Variants in ATG2B observed in about 807,000 individuals in gnomAD.
ATG2B encodes the protein autophagy-related protein 2 homolog B.
In ATG2B, 121 loss-of-function variants were observed where a neutral mutation model predicts 241.3. The ratio of observed to expected loss-of-function variants is 0.50; its 90% CI spans 0.43 to 0.58. The LOEUF (loss-of-function observed/expected upper bound fraction) is 0.58, where lower values mean the gene tolerates loss of function less well. ATG2B is among the 20% of genes least tolerant of loss of function. The probability of loss-of-function intolerance (pLI) is 0.00; values close to 1 mark genes in which losing one functional copy is unlikely to be tolerated. For missense variants in ATG2B, 2,306 were observed against 2,491.6 expected, an observed-to-expected ratio of 0.93 and a Z score of 1.59; for synonymous variants, 858 against 876.6, an observed-to-expected ratio of 0.98 and a Z score of 0.37.
At chr14:96,317,893 C>A in intron 18 of ATG2B, 38 bp from the exon 19 acceptor site, 3 of 1,407,218 alleles carry the variant, frequency 2.1e-6, no homozygotes, top group Non-Finnish European at 1.9e-6. Flanking sequence ...TACTTAACTC[C>A]TAGTTCAACA....
rs1311001581 is a variant in ATG2B, at chr14:96,341,555, C to T, written c.891G>A (p.Thr297=). The T allele has an allele frequency of 1.9e-5, 30 of 1,601,152 alleles. No individual in the cohort carries two copies. Among genetic ancestry groups the T allele is most frequent in the African/African-American group, 8.0e-5 (6 of 74,572 alleles). The change falls in exon 6 of 42, where the codon ACG becomes ACA. Residue 297 remains threonine, a synonymous_variant. Coordinates refer to ENST00000359933, the MANE Select transcript of ATG2B (RefSeq NM_018036.7). ...RLIGRLELSL[T]LKQNEVLPGA... ...CAGGAAGCACTTCATTCTGTTTCAA[C>T]GTGAGACTCAACTCCAACCTACCAA...
At chr14:96,337,121 T>C (rs1377736729) in intron 6 of ATG2B, among the ~76,000 whole-genome samples, 1 of 152,178 alleles carries the variant, frequency 6.6e-6, no homozygotes, top group African/African-American at 2.4e-5. Context: ...CTGTATCTTT[T>C]ACCAAGGCAA....
At chr14:96,332,280 C>G (rs1339064938) in intron 10 of ATG2B, 25 bp downstream of exon 10, 1 of 1,550,648 alleles carries the variant, frequency 6.4e-7, no homozygotes, top group Admixed American at 1.7e-5. Context: ...CGGAAACTAA[C>G]AACAAATGTC....
intron 34 of ATG2B, among the ~76,000 whole-genome samples, chr14:96,299,708 C>T (rs538440367): frequency 6.6e-6 from 1 of 152,194 alleles, no homozygotes; most frequent in Non-Finnish European, 1.5e-5. Context: ...TGCTTACTGC[C>T]TGCCCTAAGG....
Position 96,281,422 on chromosome 14 carries a change from C to A in ATG2B, c.*4333G>T, listed in dbSNP as rs1886195219. 6.6e-6 allele frequency: 1 copy of A among 152,242 alleles called. No homozygotes were observed. Among genetic ancestry groups the A allele is most frequent in the East Asian group, 1.9e-4 (1 of 5,180 alleles). The allele number at this position is 152,242 out of a possible 1,614,324, so 9.4% of individuals were successfully genotyped here. ...AATTAGGAAAAATTAGGAAACTTAG[C>A]AAAGACAGTCAATACACATGTTCTT... On this transcript the variant is annotated 3_prime_UTR_variant, in exon 42 of 42. Transcript: ENST00000359933.
intron 8 of ATG2B, among the ~76,000 whole-genome samples, chr14:96,332,918 A>T (rs1172308513): frequency 6.6e-6 from 1 of 152,144 alleles, no homozygotes; most frequent in African/African-American, 2.4e-5. Flanking sequence ...TAAATGTAGT[A>T]TTACCTGGTA....
At chr14:96,349,160 G>A (rs1379884090) in intron 1 of ATG2B, among the ~76,000 whole-genome samples, 2 of 152,182 alleles carry the variant, frequency 1.3e-5, no homozygotes, top group Non-Finnish European at 2.9e-5. Flanking sequence ...CAGGCAAAAT[G>A]GTCCAGGCAA....
chr14:96,317,627 A>G (rs893457572), intron 19 of ATG2B, 71 bp downstream of exon 19: 9 of 1,288,388 alleles, frequency 7.0e-6, no homozygotes, highest in African/African-American at 1.5e-5. Flanking sequence ...TAAATCCACA[A>G]TTCAAAGGTT....
chr14:96,317,861 A>T lies in ATG2B; in HGVS notation c.2880-6T>A. 1 of 1,582,222 alleles carries T rather than the reference A, an allele frequency of 6.3e-7. No homozygotes were observed. The highest frequency in any genetic ancestry group is 1.2e-5 in the South Asian group (1 of 85,046). On this transcript the variant is annotated splice_polypyrimidine_tract_variant and splice_region_variant and intron_variant, in intron 18 of 41. Transcript: ENST00000359933. ...GTAGCAAGTCATTAAAGATCCTATAAAGACAAAAGTTGAAAAATAAGTACT... is the reference window on the plus strand; with the variant it reads ...GTAGCAAGTCATTAAAGATCCTATATAGACAAAAGTTGAAAAATAAGTACT...
intron 29 of ATG2B, among the ~76,000 whole-genome samples, chr14:96,307,473 G>A (rs1006443255): frequency 1.3e-5 from 2 of 152,074 alleles, no homozygotes; most frequent in African/African-American, 2.4e-5. Flanking sequence ...ATTCGAAATG[G>A]CAATGTCACA....
At position 96,290,906 on chromosome 14, in the gene ATG2B, T is replaced by C. The variant is rs1202353383; in HGVS notation, c.5609A>G (p.Tyr1870Cys). ...GTCATTAAGCCACTCAGTGATTGCA[T>C]ATGAGAATAATTTGTCAACGCCTAG... ...GLLGVDKLFS[Y>C]AITEWLNDIK... The change falls in exon 39 of 42, where the codon TAT (tyrosine) becomes TGT (cysteine). Residue 1870 changes from tyrosine (Y) to cysteine (C), a missense_variant. Physicochemically the swap from Tyr to Cys is radical, Grantham distance 194. This residue lies in a region of ATG2B where 379 missense variants were observed against 480.4 expected (regional missense o/e 0.79). Transcript: ENST00000359933. This position sits in a 1 kb window ranked among gnomAD's most constrained non-coding sequence, Gnocchi z 4.4. 1 of 1,612,122 alleles carries C rather than the reference T, an allele frequency of 6.2e-7. No homozygotes were observed. Among genetic ancestry groups the C allele is most frequent in the South Asian group, 1.1e-5 (1 of 90,384 alleles).
intron 28 of ATG2B, 79 bp downstream of exon 28, chr14:96,311,038 A>G: frequency 7.9e-7 from 1 of 1,272,376 alleles, no homozygotes; most frequent in Non-Finnish European, 1.1e-6. Flanking sequence ...TTTCTACCTT[A>G]TGACTGTCAT....
At chr14:96,353,921 A>AT (rs1461365651) in intron 1 of ATG2B, among the ~76,000 whole-genome samples, 2 of 152,110 alleles carry the variant, frequency 1.3e-5, no homozygotes, top group Non-Finnish European at 2.9e-5. Context: ...TTGTTCAAGC[A>AT]TTTTTTAACG....
At position 96,326,709 on chromosome 14, in the gene ATG2B, T is replaced by A. The variant is rs113076222; in HGVS notation, c.2164-787A>T. On this transcript the variant is annotated intron_variant, in intron 14 of 41. Transcript: ENST00000359933. Reference sequence around the variant, plus strand: ...CTCCATGATTTGAAAACTCCCTGCATATGCTAGACTTACAATTTTTGTGTT... The same window carrying A: ...CTCCATGATTTGAAAACTCCCTGCAAATGCTAGACTTACAATTTTTGTGTT... Among the ~76,000 whole-genome samples the A allele has an allele frequency of 5.9e-5, 9 of 152,318 alleles. 1 individual carries two copies. Among genetic ancestry groups the A allele is most frequent in the African/African-American group, 2.2e-4 (9 of 41,582 alleles).
chr14:96,295,400 G>A lies in ATG2B; in HGVS notation c.5218+82C>T, dbSNP rs529764586. ...ATGTAAGTGGGAATAAATATTGTAA[G>A]TACATTCTCAAAAAAGCCTCATAAC... is the stretch of plus-strand genomic sequence containing the variant. On this transcript the variant is annotated intron_variant, in intron 35 of 41. Transcript: ENST00000359933. 13 of 991,034 alleles carry A rather than the reference G, an allele frequency of 1.3e-5. No homozygotes were observed. The East Asian group carries it at 2.7e-4, about 21-fold the overall frequency. 61.4% of individuals were successfully genotyped at this position (991,034 alleles called of 1,614,324 possible).
In ATG2B at chr14:96,285,740, G is replaced by A; in HGVS notation, c.*15C>T. ...GTTCCACTCTCCTTATCTTCACACT[G>A]TCAGTTCCAAGCCATCAGTCATCCC... On this transcript the variant is annotated 3_prime_UTR_variant, in exon 42 of 42. Coordinates refer to ENST00000359933, the MANE Select transcript of ATG2B (RefSeq NM_018036.7). The surrounding 1 kb of genome is among the most constrained non-coding windows in gnomAD (Gnocchi z 4.2). 6.2e-7 allele frequency: 1 copy of A among 1,611,608 alleles called. No homozygotes were observed. Among genetic ancestry groups the A allele is most frequent in the Non-Finnish European group, 8.5e-7 (1 of 1,178,452 alleles).
At chr14:96,321,733 T>C (rs920137224) in intron 18 of ATG2B, among the ~76,000 whole-genome samples, 2 of 152,220 alleles carry the variant, frequency 1.3e-5, no homozygotes, top group African/African-American at 4.8e-5. Flanking sequence ...GAAGAAAAGA[T>C]GCTTCTTGTA....
intron 2 of ATG2B, among the ~76,000 whole-genome samples, chr14:96,346,968 T>C (rs993664865): frequency 6.6e-6 from 1 of 152,140 alleles, no homozygotes; most frequent in Non-Finnish European, 1.5e-5. Context: ...AACCAAACAA[T>C]CTGTATACTA....
chr14:96,361,409 C>A (rs2139916614), intron 1 of ATG2B, among the ~76,000 whole-genome samples: 1 of 152,240 alleles, frequency 6.6e-6, no homozygotes, highest in Admixed American at 6.5e-5. Flanking sequence ...TTAATGCCCA[C>A]CTTATAGGGT....
Sources: gnomAD v4.1 joint callset for allele counts (sites outside exome capture counted in the v4.1 genomes callset) on GRCh38, gnomAD v4.1.1 for gene constraint, gnomAD v4.1.1 regional missense constraint, Gnocchi (gnomAD v3.1) non-coding constraint, MANE v1.5 for transcripts, NCBI Gene and HGNC (gene_info 2026-07-23, HGNC 2026-07-21) for gene names.